The following GRID1 variants were observed in gnomAD, a reference collection of about 807,000 sequenced individuals.
GRID1 encodes the protein glutamate ionotropic receptor delta type subunit 1.
Under a neutral mutation model 98.0 loss-of-function variants are expected in GRID1, and 28 were observed. The observed-to-expected ratio is 0.29, with a 90% CI of 0.21 to 0.39. GRID1 has a LOEUF of 0.39. GRID1 is among the 10% of genes least tolerant of loss of function. The pLI is 1.00. For missense variants in GRID1, 1,111 were observed against 1,340.5 expected, an observed-to-expected ratio of 0.83 and a Z score of 2.67; for synonymous variants, 553 against 538.5, an observed-to-expected ratio of 1.03 and a Z score of -0.37.
At chr10:86,348,487 G>A (rs565050764) in intron 2 of GRID1, among the ~76,000 whole-genome samples, 1 of 152,356 alleles carries the variant, frequency 6.6e-6, no homozygotes, top group African/African-American at 2.4e-5. Flanking sequence ...CCAGGCCAGA[G>A]GCCAGACCAC....
chr10:85,954,562 AAGAT>A lies in GRID1; in HGVS notation c.727-38327_727-38324del, dbSNP rs199619008. The stretch of plus-strand genomic sequence containing the variant: ...AAAAGGAATCATTATAAAAGGGCCA[AAGAT>A]AGATGGCCCTTGATATATGTAAGGA... On this transcript the variant is annotated intron_variant, in intron 4 of 15. Transcript: ENST00000327946. 3.2e-4 allele frequency among the ~76,000 whole-genome samples: 48 copies of A among 152,364 alleles called. No individual in the cohort carries two copies. The East Asian group carries it at 8.5e-3, about 27-fold the overall frequency.
intron 8 of GRID1, among the ~76,000 whole-genome samples, chr10:85,802,576 C>T (rs1486394818): frequency 6.6e-6 from 1 of 151,842 alleles, no homozygotes; most frequent in Admixed American, 6.6e-5. Context: ...CAAAATTTAT[C>T]TCCACATAGA....
At chr10:86,204,451 G>A (rs970491788) in intron 3 of GRID1, among the ~76,000 whole-genome samples, 10 of 152,214 alleles carry the variant, frequency 6.6e-5, no homozygotes, top group Non-Finnish European at 8.8e-5. Context: ...AGGGCAGGAC[G>A]AGCATGTCTG....
intron 5 of GRID1, among the ~76,000 whole-genome samples, chr10:85,915,178 C>G (rs1226425028): frequency 6.6e-6 from 1 of 152,078 alleles, no homozygotes; most frequent in Non-Finnish European, 1.5e-5. Flanking sequence ...CTTATCCCTA[C>G]ACGTACTGGT....
At chr10:86,052,360 T>C (rs1843513696) in intron 4 of GRID1, 2 of 152,180 alleles carry the variant, frequency 1.3e-5, no homozygotes, top group African/African-American at 4.8e-5. Flanking sequence ...GGAGAATTTT[T>C]ACCCAATACC....
chr10:85,793,323 G>A (rs1366513060), intron 8 of GRID1, among the ~76,000 whole-genome samples: 1 of 152,298 alleles, frequency 6.6e-6, no homozygotes, highest in East Asian at 1.9e-4. Flanking sequence ...AGCAGCACAG[G>A]TGTGCTCTCC....
At chr10:86,317,643 T>C (rs565777813) in intron 2 of GRID1, among the ~76,000 whole-genome samples, 2 of 152,160 alleles carry the variant, frequency 1.3e-5, no homozygotes, top group African/African-American at 2.4e-5. Context: ...CCAGTGCTTC[T>C]GGCTGGGCCA....
intron 4 of GRID1, among the ~76,000 whole-genome samples, chr10:85,988,383 T>C (rs1285020442): frequency 8.5e-5 from 13 of 152,204 alleles, no homozygotes; most frequent in Non-Finnish European, 1.8e-4. Flanking sequence ...TAAGTAAATA[T>C]GTAGGGAAGC....
chr10:85,743,368 G>A (rs1441059420), intron 8 of GRID1, among the ~76,000 whole-genome samples: 2 of 152,018 alleles, frequency 1.3e-5, no homozygotes, highest in African/African-American at 4.8e-5. Context: ...CCAAAGACAA[G>A]CCCTGACCAA....
chr10:85,974,100 C>T (rs889154115), intron 4 of GRID1, among the ~76,000 whole-genome samples: 2 of 152,116 alleles, frequency 1.3e-5, no homozygotes, highest in Admixed American at 6.6e-5. Context: ...TAGGTGGACG[C>T]CTGCTTTCTA....
At chr10:86,018,499 A>T (rs1299431736) in intron 4 of GRID1, among the ~76,000 whole-genome samples, 1 of 152,230 alleles carries the variant, frequency 6.6e-6, no homozygotes, top group Non-Finnish European at 1.5e-5. Context: ...ACACAGCATG[A>T]CAACCTGTCT....
At chr10:86,340,838 G>A (rs2132109653) in intron 2 of GRID1, among the ~76,000 whole-genome samples, 1 of 152,262 alleles carries the variant, frequency 6.6e-6, no homozygotes, top group African/African-American at 2.4e-5. Context: ...CGGTGGCCCT[G>A]GACAAACACC....
At chr10:85,768,834 T>C (rs909560010) in intron 8 of GRID1, among the ~76,000 whole-genome samples, 6 of 152,250 alleles carry the variant, frequency 3.9e-5, no homozygotes, top group Non-Finnish European at 8.8e-5. Context: ...TGGCAATATT[T>C]AGCAAAGTCA....
chr10:86,161,222 G>A (rs1166638478), intron 3 of GRID1, among the ~76,000 whole-genome samples: 4 of 152,156 alleles, frequency 2.6e-5, no homozygotes, highest in Admixed American at 6.5e-5. Flanking sequence ...AAAATAAGCT[G>A]GTAGCAAGGA....
At chr10:85,720,188 T>A (rs1325981801) in intron 12 of GRID1, among the ~76,000 whole-genome samples, 5 of 152,234 alleles carry the variant, frequency 3.3e-5, no homozygotes, top group African/African-American at 1.2e-4. Flanking sequence ...TCACTGATAC[T>A]TTGTTATTTA....
At chr10:86,054,346 C>A (rs1843545006) in intron 4 of GRID1, among the ~76,000 whole-genome samples, 1 of 152,190 alleles carries the variant, frequency 6.6e-6, no homozygotes, top group African/African-American at 2.4e-5. Context: ...AGTCAAGCCC[C>A]CTCCAGCTGA....
intron 2 of GRID1, among the ~76,000 whole-genome samples, chr10:86,286,193 G>A (rs1847428458): frequency 6.6e-6 from 1 of 152,108 alleles, no homozygotes; most frequent in South Asian, 2.1e-4. Context: ...GTATATAGAA[G>A]TGTAGATGTA....
At chr10:85,662,384 G>T (rs1840975225) in intron 12 of GRID1, among the ~76,000 whole-genome samples, 1 of 152,172 alleles carries the variant, frequency 6.6e-6, no homozygotes, top group African/African-American at 2.4e-5. Context: ...GAGACCCCCA[G>T]GTAGGAGAGG....
In GRID1 at chr10:85,727,778, G is replaced by A. The variant is rs1428720370; in HGVS notation, c.1533+77C>T. The A allele has an allele frequency of 2.0e-5, 22 of 1,080,324 alleles. 1 individual carries two copies. Among genetic ancestry groups the A allele is most frequent in the Non-Finnish European group, 3.1e-5 (22 of 703,166 alleles). 66.9% of individuals were successfully genotyped at this position (1,080,324 alleles called of 1,614,324 possible). A position where few individuals can be genotyped will look rare whatever the true frequency, so the allele number is the denominator to read the frequency against. ...TAGCTGGTCCCAAGGTTTCCACTGT[G>A]CAATTGGTCAAGTTTAGATATTACC... is the stretch of plus-strand genomic sequence containing the variant. On this transcript the variant is annotated intron_variant, in intron 10 of 15. Coordinates refer to ENST00000327946, the MANE Select transcript of GRID1 (RefSeq NM_017551.3).
Sources: allele counts gnomAD v4.1 joint callset (sites outside exome capture counted in the v4.1 genomes callset), GRCh38; gene constraint gnomAD v4.1.1; transcripts MANE v1.5; gene names NCBI Gene and HGNC (gene_info 2026-07-23, HGNC 2026-07-21).